GLB1: variants seen among roughly 807,000 people sequenced by gnomAD.
GLB1 encodes the protein beta-galactosidase.
In GLB1, 56 loss-of-function variants were observed where a neutral mutation model predicts 74.0. That is an observed-to-expected ratio of 0.76 (90% CI 0.61 to 0.94). The LOEUF (loss-of-function observed/expected upper bound fraction) is 0.94, where lower values mean the gene tolerates loss of function less well. GLB1 is among the 40% of genes least tolerant of loss of function. The probability of loss-of-function intolerance (pLI) is 0.00; values close to 1 mark genes in which losing one functional copy is unlikely to be tolerated. For synonymous variants in GLB1, 323 were observed against 323.6 expected, an observed-to-expected ratio of 1.00 and a Z score of 0.02; for missense variants, 787 against 845.5, an observed-to-expected ratio of 0.93 and a Z score of 0.86.
chr3:33,038,975 C>T (rs2125502234), intron 10 of GLB1, among the ~76,000 whole-genome samples: 1 of 152,084 alleles, frequency 6.6e-6, no homozygotes, highest in South Asian at 2.1e-4. Flanking sequence ...GGAGACAACA[C>T]TATCTGATCA....
At chr3:33,026,204 G>T (rs1575423315) in intron 10 of GLB1, among the ~76,000 whole-genome samples, 1 of 152,164 alleles carries the variant, frequency 6.6e-6, no homozygotes, top group Admixed American at 6.5e-5. Flanking sequence ...AGGCTAAGAG[G>T]TGTCTGCTCC....
the GLB1 span, among the ~76,000 whole-genome samples, chr3:32,982,901 T>C: frequency 6.6e-6 from 1 of 152,226 alleles, no homozygotes; most frequent in Non-Finnish European, 1.5e-5. Flanking sequence ...AGCATTTGTT[T>C]CCTTTCAGTA....
intron 10 of GLB1, among the ~76,000 whole-genome samples, chr3:33,044,308 A>C (rs982419743): frequency 1.4e-4 from 21 of 152,322 alleles, no homozygotes; most frequent in African/African-American, 4.1e-4. Flanking sequence ...TAAAAAACAC[A>C]TATCAATGGT....
At chr3:32,999,185 G>A (rs947543546) in intron 15 of GLB1, among the ~76,000 whole-genome samples, 9 of 152,202 alleles carry the variant, frequency 5.9e-5, no homozygotes, top group African/African-American at 2.2e-4. Context: ...ACAGTTCTCA[G>A]AACTATTTCA....
chr3:33,049,918 C>T (rs1698906454), intron 9 of GLB1, among the ~76,000 whole-genome samples: 1 of 152,140 alleles, frequency 6.6e-6, no homozygotes, highest in Non-Finnish European at 1.5e-5. Flanking sequence ...TAGCCCATCT[C>T]AGCCTGCAAA....
At chr3:32,963,632 T>G in the GLB1 span, among the ~76,000 whole-genome samples, 1 of 89,372 alleles carries the variant, frequency 1.1e-5, no homozygotes, top group East Asian at 2.7e-4. Flanking sequence ...ATAAGTAAAT[T>G]AACATATACT....
At chr3:32,988,376 G>A in the GLB1 span, among the ~76,000 whole-genome samples, 1 of 152,162 alleles carries the variant, frequency 6.6e-6, no homozygotes, top group South Asian at 2.1e-4. Context: ...GAAGTGTCCT[G>A]CTCAGTGAGG....
chr3:32,982,736 T>C, the GLB1 span, among the ~76,000 whole-genome samples: 1 of 152,238 alleles, frequency 6.6e-6, no homozygotes, highest in Non-Finnish European at 1.5e-5. Flanking sequence ...ATCTTTTTTA[T>C]ATCCTAGAAC....
At chr3:32,997,450 T>C in intron 15 of GLB1, 106 bp from the exon 16 acceptor site, 3 of 1,544,124 alleles carry the variant, frequency 1.9e-6, no homozygotes, top group Non-Finnish European at 2.6e-6. Context: ...AGGAAAGAAA[T>C]GCCCCCAGAA....
chr3:32,981,750 G>A, the GLB1 span, among the ~76,000 whole-genome samples: 9 of 151,284 alleles, frequency 5.9e-5, no homozygotes, highest in South Asian at 1.9e-3. Context: ...TCCAGCCTGG[G>A]AGACAGAGCG....
chr3:33,045,448 C>T, intron 10 of GLB1: 1 of 985,292 alleles, frequency 1.0e-6, no homozygotes, highest in Non-Finnish European at 1.2e-6. Context: ...ATCTGGTGTT[C>T]CTCATTCTGA....
Position 33,063,916 on chromosome 3 carries a change from C to T in GLB1, c.552+1547G>A, listed in dbSNP as rs574719609. On this transcript the variant is annotated intron_variant, in intron 5 of 15. Transcript: ENST00000307363. Reference sequence around the variant, plus strand: ...CTCCTCCCACCACAAAGCCTCAGAACGGACACCCTGGCCAGTGCAGCCCTC... The same window carrying T: ...CTCCTCCCACCACAAAGCCTCAGAATGGACACCCTGGCCAGTGCAGCCCTC... 3.3e-5 allele frequency among the ~76,000 whole-genome samples: 5 copies of T among 152,262 alleles called. No homozygotes were observed. In the East Asian group the frequency reaches 5.8e-4, roughly 18 times the overall value.
chr3:33,088,581 C>T (rs1017576080), intron 1 of GLB1, among the ~76,000 whole-genome samples: 2 of 151,906 alleles, frequency 1.3e-5, no homozygotes, highest in African/African-American at 2.4e-5. Context: ...ATAGGCCTAA[C>T]TAAGGTGAAA....
intron 1 of GLB1, among the ~76,000 whole-genome samples, chr3:33,080,368 C>T (rs1378837702): frequency 5.3e-5 from 8 of 151,594 alleles, no homozygotes; most frequent in African/African-American, 1.7e-4. Flanking sequence ...CGTGAGCCAC[C>T]GCGCCTGGTC....
intron 1 of GLB1, among the ~76,000 whole-genome samples, chr3:33,078,140 A>G (rs1411457588): frequency 6.6e-6 from 1 of 152,204 alleles, no homozygotes; most frequent in East Asian, 1.9e-4. Flanking sequence ...GCTACTCAGG[A>G]GGCTGAGGCA....
At chr3:33,049,243 AAC>A (rs1402666995) in intron 9 of GLB1, among the ~76,000 whole-genome samples, 1 of 152,156 alleles carries the variant, frequency 6.6e-6, no homozygotes, top group Non-Finnish European at 1.5e-5. Context: ...TCATAAGATG[AAC>A]ACAGAGGGAT....
At chr3:33,056,672 A>G (rs951734715) in intron 6 of GLB1, among the ~76,000 whole-genome samples, 1 of 152,092 alleles carries the variant, frequency 6.6e-6, no homozygotes, top group African/African-American at 2.4e-5. Context: ...AGATTTCCCA[A>G]TTGTTAGCAT....
intron 2 of GLB1, among the ~76,000 whole-genome samples, chr3:33,071,906 G>C (rs1312300467): frequency 2.6e-5 from 4 of 152,178 alleles, no homozygotes; most frequent in African/African-American, 9.7e-5. Context: ...AGGCCAAGAA[G>C]AATCTGTTGA....
the GLB1 span, among the ~76,000 whole-genome samples, chr3:32,979,279 A>G: frequency 6.6e-6 from 1 of 152,094 alleles, no homozygotes; most frequent in Non-Finnish European, 1.5e-5. Context: ...CAGAGGGTGG[A>G]TACAGACTTT....
Sources: gnomAD v4.1 joint callset for allele counts (sites outside exome capture counted in the v4.1 genomes callset) on GRCh38, gnomAD v4.1.1 for gene constraint, MANE v1.5 for transcripts, NCBI Gene and HGNC (gene_info 2026-07-23, HGNC 2026-07-21) for gene names.